COL23A1: variants seen among roughly 807,000 people sequenced by gnomAD.
COL23A1 encodes collagen alpha-1(XXIII) chain.
Under a neutral mutation model 99.3 loss-of-function variants are expected in COL23A1, and 97 were observed. The observed-to-expected ratio is 0.98, with a 90% confidence interval of 0.83 to 1.16. COL23A1 has a LOEUF of 1.16. Ranked by LOEUF, COL23A1 falls within the 50% of genes most tolerant of loss-of-function variation. The pLI is 0.00. For missense variants in COL23A1, 762 were observed against 757.4 expected, an observed-to-expected ratio of 1.01 and a Z score of -0.07; for synonymous variants, 320 against 308.2, an observed-to-expected ratio of 1.04 and a Z score of -0.40.
At chr5:178,479,287 A>G (rs888086901) in intron 2 of COL23A1, among the ~76,000 whole-genome samples, 2 of 152,196 alleles carry the variant, frequency 1.3e-5, no homozygotes, top group Admixed American at 6.5e-5. Flanking sequence ...TCACACAGCT[A>G]TGGAGGTCGG....
intron 2 of COL23A1, among the ~76,000 whole-genome samples, chr5:178,537,520 C>T (rs10479496): frequency 0.17 from 26,290 of 152,122 alleles, 4,354 homozygotes; most frequent in East Asian, 0.53. Context: ...GGGGTGTCCT[C>T]AGAGGGAGTC....
intron 16 of COL23A1, among the ~76,000 whole-genome samples, chr5:178,253,772 C>T (rs1386140597): frequency 2.6e-5 from 4 of 152,074 alleles, no homozygotes; most frequent in African/African-American, 9.7e-5. Context: ...GGAGCCGCCG[C>T]GCCCGGCCGT....
chr5:178,582,362 G>A (rs968218927), intron 1 of COL23A1, among the ~76,000 whole-genome samples: 3 of 152,158 alleles, frequency 2.0e-5, no homozygotes, highest in African/African-American at 4.8e-5. Flanking sequence ...GCAAGAATGC[G>A]ATGTGCAGCT....
chr5:178,577,934 A>T (rs935315908), intron 1 of COL23A1, among the ~76,000 whole-genome samples: 2 of 152,202 alleles, frequency 1.3e-5, no homozygotes, highest in African/African-American at 4.8e-5. Flanking sequence ...GGACGGGATA[A>T]CTTCCACAGT....
At chr5:178,505,003 G>A (rs1758785072) in intron 2 of COL23A1, among the ~76,000 whole-genome samples, 1 of 152,180 alleles carries the variant, frequency 6.6e-6, no homozygotes, top group African/African-American at 2.4e-5. Flanking sequence ...TGGCCATAAC[G>A]AAGTTCCACA....
Position 178,306,298 on chromosome 5 carries a change from G to A in COL23A1, c.406+577C>T, listed in dbSNP as rs1658943926. On this transcript the variant is annotated intron_variant, in intron 3 of 28. Coordinates refer to ENST00000390654, the MANE Select transcript of COL23A1 (RefSeq NM_173465.4). This position sits in a 1 kb window ranked among gnomAD's most constrained non-coding sequence, Gnocchi z 4.1. Reference sequence around the variant, plus strand: ...AGGTCAGCATGACTTTAGCTAAGACGATGTCAGAGGGGCTTAGGGAAGTCC... The same window carrying A: ...AGGTCAGCATGACTTTAGCTAAGACAATGTCAGAGGGGCTTAGGGAAGTCC... 9.2e-6 allele frequency among the ~76,000 whole-genome samples: 1 copy of A among 109,246 alleles called. No homozygotes were observed. The highest frequency in any genetic ancestry group is 3.6e-5 in the African/African-American group (1 of 27,876). 71.7% of individuals were successfully genotyped at this position (109,246 alleles called of 152,430 possible).
chr5:178,273,812 T>C (rs892154330), intron 5 of COL23A1, among the ~76,000 whole-genome samples: 4 of 152,166 alleles, frequency 2.6e-5, no homozygotes, highest in Non-Finnish European at 5.9e-5. Context: ...AGGAGGGGAC[T>C]CCGAGGTGGG....
At chr5:178,354,789 G>A (rs2127684764) in intron 2 of COL23A1, among the ~76,000 whole-genome samples, 1 of 152,264 alleles carries the variant, frequency 6.6e-6, no homozygotes, top group South Asian at 2.1e-4. Context: ...GGGTGTGGTG[G>A]CTCATGCCTG....
At chr5:178,397,697 G>T (rs760102098) in intron 2 of COL23A1, among the ~76,000 whole-genome samples, 6 of 152,246 alleles carry the variant, frequency 3.9e-5, no homozygotes, top group Non-Finnish European at 7.3e-5. Flanking sequence ...GTAAAAAGTT[G>T]CAGAATTTCG....
Position 178,306,785 on chromosome 5 carries a change from G to T in COL23A1, c.406+90C>A. On this transcript the variant is annotated intron_variant, in intron 3 of 28. Transcript: ENST00000390654. This position sits in a 1 kb window ranked among gnomAD's most constrained non-coding sequence, Gnocchi z 4.1. ...CAGGACCAAGGCATGACTCAGGGTG[G>T]GCAGCAGGTGGCCAGGCCCTGCAGT... The T allele has an allele frequency of 1.0e-6, 1 of 960,430 alleles. No homozygotes were observed. The highest frequency in any genetic ancestry group is 1.5e-6 in the Non-Finnish European group (1 of 681,078). 59.5% of individuals were successfully genotyped at this position (960,430 alleles called of 1,614,324 possible).
chr5:178,407,633 G>A (rs1764834594), intron 2 of COL23A1, among the ~76,000 whole-genome samples: 1 of 152,126 alleles, frequency 6.6e-6, no homozygotes, highest in Non-Finnish European at 1.5e-5. Context: ...AAAGAAACAA[G>A]ATATGAAGAG....
chr5:178,356,939 C>T (rs1246002481), intron 2 of COL23A1, among the ~76,000 whole-genome samples: 1 of 152,150 alleles, frequency 6.6e-6, no homozygotes, highest in Non-Finnish European at 1.5e-5. Flanking sequence ...ATTAGAGATG[C>T]TGCATAAAAA....
In COL23A1 at chr5:178,472,766, C is replaced by T. The variant is rs76486383; in HGVS notation, c.361+87916G>A. 9.3e-3 allele frequency among the ~76,000 whole-genome samples: 1,410 copies of T among 152,286 alleles called. 13 individuals carry two copies. Among genetic ancestry groups the T allele is most frequent in the Non-Finnish European group, 0.014 (943 of 68,024 alleles). ...TTTTATCCAAAAGCCAGTGAACAGTCAGCCCTCCATATCCATGGATTCCAC... is the reference window on the plus strand; with the variant it reads ...TTTTATCCAAAAGCCAGTGAACAGTTAGCCCTCCATATCCATGGATTCCAC... On this transcript the variant is annotated intron_variant, in intron 2 of 28. Coordinates refer to ENST00000390654, the MANE Select transcript of COL23A1 (RefSeq NM_173465.4).
At chr5:178,526,650 A>C (rs1425759903) in intron 2 of COL23A1, among the ~76,000 whole-genome samples, 2 of 151,858 alleles carry the variant, frequency 1.3e-5, no homozygotes, top group African/African-American at 4.8e-5. Flanking sequence ...TTCTTGGGGG[A>C]AGAGAGGGGC....
rs186475755 is a variant in COL23A1 at position 178,281,924 on chromosome 5, T to C, written c.441+6400A>G. The stretch of plus-strand genomic sequence containing the variant: ...AAAATCAGCCAGGCGTGGTGGTGCG[T>C]ACCTGTAATCCTAGCTACTTGGGAG... On this transcript the variant is annotated intron_variant, in intron 5 of 28. Transcript: ENST00000390654. This position sits in a 1 kb window ranked among gnomAD's most constrained non-coding sequence, Gnocchi z 4.0. Among the ~76,000 whole-genome samples, 31 of 151,780 alleles carry C rather than the reference T, an allele frequency of 2.0e-4. No homozygotes were observed. The highest frequency in any genetic ancestry group is 1.8e-3 in the Admixed American group (27 of 15,244).
chr5:178,352,808 G>A (rs1023444227), intron 2 of COL23A1, among the ~76,000 whole-genome samples: 4 of 152,272 alleles, frequency 2.6e-5, no homozygotes, highest in East Asian at 1.9e-4. Context: ...GGGAGTCTCC[G>A]TCTCTCACAC....
chr5:178,358,511 G>A (rs1335410280), intron 2 of COL23A1, among the ~76,000 whole-genome samples: 2 of 142,724 alleles, frequency 1.4e-5, no homozygotes, highest in Non-Finnish European at 3.0e-5. Flanking sequence ...GTATATGTGT[G>A]TATGTGTGTA....
At chr5:178,551,356 GAT>G (rs1382889675) in intron 2 of COL23A1, among the ~76,000 whole-genome samples, 1 of 151,874 alleles carries the variant, frequency 6.6e-6, no homozygotes, top group Non-Finnish European at 1.5e-5. Flanking sequence ...TTTTATAATT[GAT>G]AGACTCAGGT....
At chr5:178,254,597 T>C (rs573264767) in intron 16 of COL23A1, among the ~76,000 whole-genome samples, 25 of 152,262 alleles carry the variant, frequency 1.6e-4, no homozygotes, top group African/African-American at 6.0e-4. Flanking sequence ...CATGGCATCA[T>C]TAGGAGACCT....
Sources: gnomAD v4.1 joint callset for allele counts (sites outside exome capture counted in the v4.1 genomes callset) on GRCh38, gnomAD v4.1.1 for gene constraint, Gnocchi (gnomAD v3.1) non-coding constraint, MANE v1.5 for transcripts, NCBI Gene and HGNC (gene_info 2026-07-23, HGNC 2026-07-21) for gene names.